The following TMPRSS12 variants were observed in gnomAD, a reference collection of about 807,000 sequenced individuals.
TMPRSS12 encodes the protein transmembrane serine protease 12, also known as transmembrane protease serine 12.
A neutral mutation model predicts 26.0 loss-of-function variants in TMPRSS12; 25 were observed. The ratio of observed to expected loss-of-function variants is 0.96; its 90% CI spans 0.70 to 1.34. The LOEUF (loss-of-function observed/expected upper bound fraction) is 1.34. Ranked by LOEUF, TMPRSS12 falls within the 40% of genes most tolerant of loss-of-function variation. The probability of loss-of-function intolerance (pLI) is 0.00; values close to 1 mark genes in which losing one functional copy is unlikely to be tolerated. For missense variants in TMPRSS12, 441 were observed against 440.1 expected (o/e 1.00, Z -0.02); for synonymous variants, 150 against 161.7 (o/e 0.93, Z 0.55).
intron 3 of TMPRSS12, among the ~76,000 whole-genome samples, chr12:50,879,910 G>T (rs1215925312): frequency 1.3e-5 from 2 of 152,044 alleles, no homozygotes; most frequent in African/African-American, 4.8e-5. Context: ...GGTTGAGACT[G>T]TAGTAAACTG....
chr12:50,869,488 C>A (rs372687512), intron 3 of TMPRSS12, among the ~76,000 whole-genome samples: 1 of 151,990 alleles, frequency 6.6e-6, no homozygotes, highest in African/African-American at 2.4e-5. Context: ...TAAAAAGTAG[C>A]GAGATTGAAA....
chr12:50,882,411 G>GA (rs917258230), intron 3 of TMPRSS12, among the ~76,000 whole-genome samples: 13 of 148,962 alleles, frequency 8.7e-5, no homozygotes, highest in Admixed American at 6.7e-5. Context: ...ATAGAAAGCA[G>GA]AAAAAAAGAC....
rs1309199277 is a variant in TMPRSS12 at position 50,843,089 on chromosome 12, A to G, written c.125A>G (p.Gln42Arg). 2 of 1,583,644 alleles carry G rather than the reference A, an allele frequency of 1.3e-6. No individual in the cohort carries two copies. Among genetic ancestry groups the G allele is most frequent in the Non-Finnish European group, 1.7e-6 (2 of 1,165,258 alleles). ...GPSPEPAASS[Q>R]QAEAVRKRLR... ...TCGCCGGAACCGGCGGCTAGTTCCC[A>G]GCAGGCTGAGGCCGTCCGCAAGAGG... Residue 42 changes from glutamine (Q) to arginine (R), a missense_variant, in exon 1 of 5, where the codon CAG becomes CGG. Gln to Arg is a conservative substitution (Grantham distance 43). Coordinates refer to ENST00000398458, the MANE Select transcript of TMPRSS12 (RefSeq NM_182559.3).
intron 1 of TMPRSS12, 141 bp downstream of exon 1, chr12:50,843,292 CG>C (rs1158363143): frequency 5.4e-6 from 4 of 744,620 alleles, no homozygotes; most frequent in Non-Finnish European, 8.1e-6. Context: ...GTTTCTAGAC[CG>C]GCTGTAATAA....
rs1217078099 is a variant in TMPRSS12, at chr12:50,858,781, T to A, written c.384-4T>A. ...TTATAATAAGAATGTTTACTTTCTTTCAGCGATCCTTTAATGTGGACAGCT... is the reference window on the plus strand; with the variant it reads ...TTATAATAAGAATGTTTACTTTCTTACAGCGATCCTTTAATGTGGACAGCT... On this transcript the variant is annotated splice_region_variant and splice_polypyrimidine_tract_variant and intron_variant, in intron 2 of 4. Transcript: ENST00000398458. 10 of 1,527,414 alleles carry A rather than the reference T, an allele frequency of 6.5e-6. No homozygotes were observed. The highest frequency in any genetic ancestry group is 7.9e-6 in the Non-Finnish European group (9 of 1,143,348). 94.6% of individuals were successfully genotyped at this position (1,527,414 alleles called of 1,614,324 possible). A position where few individuals can be genotyped will look rare whatever the true frequency, so the allele number is the denominator to read the frequency against.
intron 3 of TMPRSS12, among the ~76,000 whole-genome samples, chr12:50,865,990 C>T (rs1937987612): frequency 6.6e-6 from 1 of 152,118 alleles, no homozygotes; most frequent in African/African-American, 2.4e-5. Flanking sequence ...CAACATGGAG[C>T]TTCTGTACAG....
chr12:50,859,342 A>C (rs1016789149), intron 3 of TMPRSS12, among the ~76,000 whole-genome samples: 44 of 151,942 alleles, frequency 2.9e-4, no homozygotes, highest in African/African-American at 1.1e-3. Context: ...CAGCCTCCCA[A>C]GTAGCTGGGA....
chr12:50,847,122 G>A lies in TMPRSS12; in HGVS notation c.383+3085G>A, dbSNP rs532046520. On this transcript the variant is annotated intron_variant, in intron 2 of 4. Transcript: ENST00000398458. ...TGCCCAGGCTGGAGTGCAGTGGCGC[G>A]ATCTCGGCTCACTGCAAGCTCCGCC... Among the ~76,000 whole-genome samples, 181 of 147,090 alleles carry A rather than the reference G, an allele frequency of 1.2e-3. 1 individual carries two copies. Among genetic ancestry groups the A allele is most frequent in the Admixed American group, 2.3e-3 (33 of 14,470 alleles).
At chr12:50,865,476 G>T (rs2139728430) in intron 3 of TMPRSS12, among the ~76,000 whole-genome samples, 1 of 152,220 alleles carries the variant, frequency 6.6e-6, no homozygotes, top group South Asian at 2.1e-4. Flanking sequence ...ATGAAATAAG[G>T]TATAAGAAGG....
intron 2 of TMPRSS12, among the ~76,000 whole-genome samples, chr12:50,855,820 G>A (rs1367619113): frequency 6.6e-6 from 1 of 152,168 alleles, no homozygotes; most frequent in African/African-American, 2.4e-5. Context: ...GCTCATCAAT[G>A]ATGGACTGGA....
intron 2 of TMPRSS12, among the ~76,000 whole-genome samples, chr12:50,851,770 G>T (rs1456269400): frequency 6.6e-6 from 1 of 152,086 alleles, no homozygotes; most frequent in Non-Finnish European, 1.5e-5. Context: ...TAATGTAAAA[G>T]AAAAAATATT....
At chr12:50,860,808 G>C (rs954473896) in intron 3 of TMPRSS12, among the ~76,000 whole-genome samples, 1 of 151,972 alleles carries the variant, frequency 6.6e-6, no homozygotes, top group East Asian at 1.9e-4. Context: ...ACAGGGTCTT[G>C]CCATGTTTCC....
At position 50,864,803 on chromosome 12, in the gene TMPRSS12, G is replaced by A. The variant is rs372117127; in HGVS notation, c.652+5750G>A. Among the ~76,000 whole-genome samples the A allele has an allele frequency of 2.9e-3, 448 of 151,916 alleles. 3 individuals carry two copies. Among genetic ancestry groups the A allele is most frequent in the African/African-American group, 0.01 (419 of 41,408 alleles). On this transcript the variant is annotated intron_variant, in intron 3 of 4. Coordinates refer to ENST00000398458, the MANE Select transcript of TMPRSS12 (RefSeq NM_182559.3). Reference sequence around the variant, plus strand: ...CTCCTGAGTAGCTGGGACTACAGGCGCCCACCACCACACCCAGCTAATTTT... The same window carrying A: ...CTCCTGAGTAGCTGGGACTACAGGCACCCACCACCACACCCAGCTAATTTT...
At chr12:50,879,894 C>T (rs1565937500) in intron 3 of TMPRSS12, among the ~76,000 whole-genome samples, 2 of 151,900 alleles carry the variant, frequency 1.3e-5, no homozygotes, top group African/African-American at 4.8e-5. Flanking sequence ...CACTTGAGGC[C>T]CACGAGGTTG....
intron 3 of TMPRSS12, among the ~76,000 whole-genome samples, chr12:50,876,803 CAAAAAAAAAAAAA>C (rs35311314): frequency 1.3e-5 from 1 of 75,372 alleles, no homozygotes; most frequent in African/African-American, 5.5e-5. Flanking sequence ...GACTCTGTCT[CAAAAAAAAAAAAA>C]AAAAAAAGAC....
At chr12:50,877,854 C>T (rs1471385464) in intron 3 of TMPRSS12, among the ~76,000 whole-genome samples, 2 of 152,194 alleles carry the variant, frequency 1.3e-5, no homozygotes, top group African/African-American at 2.4e-5. Flanking sequence ...AAGTGATCCG[C>T]CTGCCTTGGC....
intron 3 of TMPRSS12, among the ~76,000 whole-genome samples, chr12:50,862,529 A>AT (rs200314074): frequency 4.6e-4 from 68 of 146,556 alleles, no homozygotes; most frequent in East Asian, 1.6e-3. Flanking sequence ...CCAGCATATA[A>AT]TTTTTTTTTT....
intron 3 of TMPRSS12, among the ~76,000 whole-genome samples, chr12:50,866,148 A>G (rs1270294984): frequency 6.6e-6 from 1 of 152,196 alleles, no homozygotes; most frequent in African/African-American, 2.4e-5. Flanking sequence ...GAGAATCCCA[A>G]GACAACCCAC....
intron 3 of TMPRSS12, among the ~76,000 whole-genome samples, chr12:50,861,299 T>G (rs1204834972): frequency 6.6e-6 from 1 of 152,210 alleles, no homozygotes; most frequent in Non-Finnish European, 1.5e-5. Flanking sequence ...TTTCTTCCTA[T>G]TCCCCACAGG....
Sources: allele counts gnomAD v4.1 joint callset (sites outside exome capture counted in the v4.1 genomes callset), GRCh38; gene constraint gnomAD v4.1.1; transcripts MANE v1.5; gene names NCBI Gene and HGNC (gene_info 2026-07-23, HGNC 2026-07-21).